The following ANKRD24 variants were observed in gnomAD, a reference collection of about 807,000 sequenced individuals.
The protein encoded by ANKRD24 is ankyrin repeat domain-containing protein 24.
Under a neutral mutation model 127.8 loss-of-function variants are expected in ANKRD24, and 109 were observed. The ratio of observed to expected loss-of-function variants is 0.85; its 90% CI spans 0.73 to 1.00. The LOEUF (loss-of-function observed/expected upper bound fraction) is 1.00, where lower values mean the gene tolerates loss of function less well. Among genes scored for constraint, ANKRD24 ranks in the 50% least tolerant of loss-of-function variants. ANKRD24 has a pLI of 0.00. For missense variants in ANKRD24, 1,648 were observed against 1,570.2 expected (o/e 1.05, Z -0.84); for synonymous variants, 743 against 671.1 (o/e 1.11, Z -1.66).
chr19:4,222,879 A>G, intron 20 of ANKRD24, 84 bp downstream of exon 20: 1 of 1,411,038 alleles, frequency 7.1e-7, no homozygotes, highest in Non-Finnish European at 9.3e-7. Context: ...CGCAGGTGGG[A>G]ATCCCAGGAG....
At chr19:4,210,855 C>T (rs948055290) in intron 13 of ANKRD24, among the ~76,000 whole-genome samples, 10 of 137,210 alleles carry the variant, frequency 7.3e-5, no homozygotes, top group Admixed American at 2.4e-4. Context: ...GTTTTTGAGA[C>T]GGAGTCTCGC....
At chr19:4,205,429 C>T (rs1422470630) in intron 7 of ANKRD24, among the ~76,000 whole-genome samples, 1 of 152,206 alleles carries the variant, frequency 6.6e-6, no homozygotes, top group Non-Finnish European at 1.5e-5. Context: ...GGATGTCAAC[C>T]TGCTGGAATT....
rs566410051 is a variant in ANKRD24, at chr19:4,211,132, C to G, written c.1059+760C>G. Among the ~76,000 whole-genome samples, 22 of 152,204 alleles carry G rather than the reference C, an allele frequency of 1.4e-4. 1 individual carries two copies. In the South Asian group the frequency reaches 3.9e-3, roughly 27 times the overall value. On this transcript the variant is annotated intron_variant, in intron 13 of 21. Coordinates refer to ENST00000318934, the MANE Select transcript of ANKRD24 (RefSeq NM_001393985.1). ...GCAGGTGTGAGCCACCGCACCCGGC[C>G]TCTTTATCTCCATTTGCATCACTTG... is the stretch of plus-strand genomic sequence containing the variant.
intron 1 of ANKRD24, 121 bp downstream of exon 1, chr19:4,182,861 CA>C: frequency 1.9e-6 from 1 of 531,850 alleles, no homozygotes; most frequent in Non-Finnish European, 2.4e-6. Context: ...CATGTCCCCA[CA>C]ACCCCTTTTA....
At chr19:4,208,472 G>A (rs766709013) in intron 10 of ANKRD24, among the ~76,000 whole-genome samples, 3 of 152,024 alleles carry the variant, frequency 2.0e-5, no homozygotes, top group African/African-American at 4.8e-5. Context: ...TAGTGGAGTC[G>A]GGGTTTCGCC....
chr19:4,187,682 C>G (rs1968147538), intron 2 of ANKRD24, among the ~76,000 whole-genome samples: 5 of 152,218 alleles, frequency 3.3e-5, no homozygotes, highest in Admixed American at 3.3e-4. Context: ...CAGGGACAGG[C>G]AATCAGCCTT....
intron 2 of ANKRD24, among the ~76,000 whole-genome samples, chr19:4,192,618 G>A (rs1172036129): frequency 6.6e-6 from 1 of 151,606 alleles, no homozygotes; most frequent in African/African-American, 2.4e-5. Flanking sequence ...CTGAGGAGGT[G>A]ACATTCTAAG....
chr19:4,192,668 C>T (rs781551994), intron 2 of ANKRD24, among the ~76,000 whole-genome samples: 5 of 151,946 alleles, frequency 3.3e-5, no homozygotes, highest in Non-Finnish European at 5.9e-5. Flanking sequence ...CAGTGGCTCA[C>T]GCCTGTAATC....
chr19:4,198,137 G>A lies in ANKRD24; in HGVS notation c.37-1546G>A. 1 of 519,644 alleles carries A rather than the reference G, an allele frequency of 1.9e-6. No homozygotes were observed. Among genetic ancestry groups the A allele is most frequent in the East Asian group, 3.5e-5 (1 of 28,906 alleles). The allele number at this position is 519,644 out of a possible 1,614,324, so 32.2% of individuals were successfully genotyped here. A position where few individuals can be genotyped will look rare whatever the true frequency, so the allele number is the denominator to read the frequency against. On this transcript the variant is annotated intron_variant, in intron 2 of 21. Transcript: ENST00000318934. This position sits in a 1 kb window ranked among gnomAD's most constrained non-coding sequence, Gnocchi z 6.1. ...GAGATGGACGCCCGCGGGTCCCCTG[G>A]AGATGCAGCCGGCGGCCTGCGCTGG...
rs1295996255 is a variant in ANKRD24, at chr19:4,195,873, G to T, written c.37-3810G>T. ...CGCACCACTGCACTCCAGCCTGGGT[G>T]GAAGAGCAAGACTCCGTCTCAAAAG... On this transcript the variant is annotated intron_variant, in intron 2 of 21. Coordinates refer to ENST00000318934, the MANE Select transcript of ANKRD24 (RefSeq NM_001393985.1). The surrounding 1 kb of genome is among the most constrained non-coding windows in gnomAD (Gnocchi z 4.2). 6.6e-6 allele frequency among the ~76,000 whole-genome samples: 1 copy of T among 152,194 alleles called. No homozygotes were observed. Among genetic ancestry groups the T allele is most frequent in the African/African-American group, 2.4e-5 (1 of 41,456 alleles).
chr19:4,217,973 A>T lies in ANKRD24; in HGVS notation c.2813A>T (p.Gln938Leu). 6.6e-7 allele frequency: 1 copy of T among 1,519,998 alleles called. No individual in the cohort carries two copies. The highest frequency in any genetic ancestry group is 8.8e-7 in the Non-Finnish European group (1 of 1,141,426). 94.2% of individuals were successfully genotyped at this position (1,519,998 alleles called of 1,614,324 possible). ...ELRGRAASLE[Q>L]EVVATGKEAA... is the part of the protein sequence containing the mutation. Reference sequence around the variant, plus strand: ...CGGGGCCGGGCAGCCAGTCTGGAGCAGGAGGTGGTGGCCACGGGCAAGGAG... The same window carrying T: ...CGGGGCCGGGCAGCCAGTCTGGAGCTGGAGGTGGTGGCCACGGGCAAGGAG... The change falls in exon 18 of 22, where the codon CAG becomes CTG. Residue 938 changes from glutamine (Q) to leucine (L), a missense_variant. Gln to Leu is a moderately radical substitution (Grantham distance 113, BLOSUM62 -2). Transcript: ENST00000318934.
In ANKRD24 at chr19:4,212,618, T is replaced by A; in HGVS notation, c.1117T>A (p.Leu373Met). 1 of 1,551,114 alleles carries A rather than the reference T, an allele frequency of 6.4e-7. No homozygotes were observed. The highest frequency in any genetic ancestry group is 1.2e-5 in the South Asian group (1 of 84,004). ...CTCCCAGGTGCAAGAGCTACAGCAG[T>A]TGCTGGTGGAGAGACAAGAGGAGAA... ...LERQVQELQQ[L>M]LVERQEEKES... is the part of the protein sequence containing the mutation. Residue 373 changes from leucine to methionine, a missense_variant, in exon 15 of 22, where the codon TTG becomes ATG. By Grantham distance (15) the Leu-to-Met change is conservative. Transcript: ENST00000318934.
rs1970063021 is a variant in ANKRD24 at position 4,216,286 on chromosome 19, G to A, written c.1273G>A (p.Ala425Thr). Residue 425 changes from alanine (A) to threonine (T), a missense_variant and splice_region_variant, in exon 17 of 22, where the codon GCC becomes ACC. Ala to Thr is a moderately conservative substitution (Grantham distance 58). Coordinates refer to ENST00000318934, the MANE Select transcript of ANKRD24 (RefSeq NM_001393985.1). ...EEGELPDLPGAEVLLSRQLSP... is the reference protein window; with the variant it reads ...EEGELPDLPGTEVLLSRQLSP... ...CCTGACTCTGCGTCCCCCTCCAGGG[G>A]CCGAGGTGCTGCTGTCCAGACAACT... 1 of 1,552,902 alleles carries A rather than the reference G, an allele frequency of 6.4e-7. No individual in the cohort carries two copies. Among genetic ancestry groups the A allele is most frequent in the Non-Finnish European group, 8.7e-7 (1 of 1,147,792 alleles).
intron 10 of ANKRD24, among the ~76,000 whole-genome samples, 175 bp from the exon 11 acceptor site, chr19:4,208,589 C>T (rs995455842): frequency 1.3e-5 from 2 of 151,976 alleles, no homozygotes; most frequent in Admixed American, 6.6e-5. Context: ...AGCCTATCCT[C>T]TCTTTTTAAC....
intron 19 of ANKRD24, among the ~76,000 whole-genome samples, chr19:4,222,321 G>A (rs868313111): frequency 6.6e-6 from 1 of 152,282 alleles, no homozygotes; most frequent in African/African-American, 2.4e-5. Context: ...CCTGGGAGGC[G>A]GAAGTTGTAG....
intron 2 of ANKRD24, among the ~76,000 whole-genome samples, chr19:4,190,900 T>A (rs780671531): frequency 6.6e-6 from 1 of 152,230 alleles, no homozygotes; most frequent in Admixed American, 6.5e-5. Context: ...AGCATAGTTA[T>A]ATTTAATATT....
intron 7 of ANKRD24, among the ~76,000 whole-genome samples, chr19:4,203,837 G>A (rs2145305007): frequency 6.6e-6 from 1 of 150,972 alleles, no homozygotes; most frequent in Non-Finnish European, 1.5e-5. Context: ...TTTTAGTAGA[G>A]ATGGGGTTTC....
chr19:4,217,601 G>A lies in ANKRD24; in HGVS notation c.2441G>A (p.Cys814Tyr), dbSNP rs1399205797. 6 of 1,300,968 alleles carry A rather than the reference G, an allele frequency of 4.6e-6. No individual in the cohort carries two copies. Among genetic ancestry groups the A allele is most frequent in the Middle Eastern group, 5.8e-4 (2 of 3,442 alleles). The allele number at this position is 1,300,968 out of a possible 1,614,324, so 80.6% of individuals were successfully genotyped here. The change falls in exon 18 of 22, where the codon TGC becomes TAC. Residue 814 changes from cysteine to tyrosine, a missense_variant. Cys to Tyr is a radical substitution (Grantham distance 194). Coordinates refer to ENST00000318934, the MANE Select transcript of ANKRD24 (RefSeq NM_001393985.1). The stretch of plus-strand genomic sequence containing the variant: ...CGGGAGCTGGAGGCGGCCTCGGCCT[G>A]CCTGGATGAGGCTCGGGCCAGCCGG... ...RLRELEAASA[C>Y]LDEARASRLL... is the part of the protein sequence containing the mutation.
At chr19:4,216,125 G>A in intron 16 of ANKRD24, 75 bp downstream of exon 16, 3 of 1,482,598 alleles carry the variant, frequency 2.0e-6, no homozygotes, top group Non-Finnish European at 2.8e-6. Context: ...CTCTGGGTGT[G>A]GGGGAGTTTG....
Sources: allele counts gnomAD v4.1 joint callset (sites outside exome capture counted in the v4.1 genomes callset), GRCh38; gene constraint gnomAD v4.1.1; non-coding constraint Gnocchi (gnomAD v3.1); transcripts MANE v1.5; gene names NCBI Gene and HGNC (gene_info 2026-07-23, HGNC 2026-07-21).